The following HEATR3 variants were observed in gnomAD, a reference collection of about 807,000 sequenced individuals.
The protein encoded by HEATR3 is HEAT repeat-containing protein 3.
Under a neutral mutation model 72.8 loss-of-function variants are expected in HEATR3, and 56 were observed. The ratio of observed to expected loss-of-function variants is 0.77; its 90% CI spans 0.62 to 0.96. The LOEUF is 0.96. Among genes scored for constraint, HEATR3 ranks in the 40% least tolerant of loss-of-function variants. The pLI, the probability that HEATR3 is intolerant of heterozygous loss-of-function variation, is 0.00. For synonymous variants in HEATR3, 331 were observed against 318.1 expected (o/e 1.04, Z -0.43); for missense variants, 747 against 831.4 (o/e 0.90, Z 1.25).
rs1309435192 is a variant in HEATR3 at position 50,107,137 on chromosome 16, GT to G, written c.*2078del. 6.6e-6 allele frequency among the ~76,000 whole-genome samples: 1 copy of G among 152,116 alleles called. No homozygotes were observed. Among genetic ancestry groups the G allele is most frequent in the Non-Finnish European group, 1.5e-5 (1 of 68,024 alleles). On this transcript the variant is annotated 3_prime_UTR_variant, in exon 15 of 15. Transcript: ENST00000299192. ...TATAATTATTTTCAAGGAGAAAAAA[GT>G]TCCTCATTCTGTTTATTCTTCCCCA...
At chr16:50,085,429 C>T (rs1047641735) in intron 10 of HEATR3, among the ~76,000 whole-genome samples, 2 of 152,016 alleles carry the variant, frequency 1.3e-5, no homozygotes, top group Admixed American at 1.3e-4. Flanking sequence ...AGTTTGAAAC[C>T]AGCCTGGGCA....
At chr16:50,100,081 C>G in intron 12 of HEATR3, 149 bp from the exon 13 acceptor site, 1 of 607,416 alleles carries the variant, frequency 1.6e-6, no homozygotes, top group Non-Finnish European at 2.6e-6. Context: ...AACTGGAATA[C>G]ATATTAATAG....
At chr16:50,092,643 G>A (rs556501345) in intron 11 of HEATR3, among the ~76,000 whole-genome samples, 81 of 151,448 alleles carry the variant, frequency 5.3e-4, no homozygotes, top group Non-Finnish European at 1.0e-3. Context: ...GGGTTTCACC[G>A]TGTTAGCCAG....
At chr16:50,088,123 G>A (rs1049250312) in intron 11 of HEATR3, among the ~76,000 whole-genome samples, 20 of 151,874 alleles carry the variant, frequency 1.3e-4, no homozygotes, top group Non-Finnish European at 2.4e-4. Context: ...GTGAAACTCC[G>A]TTTCAAAAAA....
At chr16:50,095,819 T>G (rs2037222595) in intron 12 of HEATR3, among the ~76,000 whole-genome samples, 1 of 152,170 alleles carries the variant, frequency 6.6e-6, no homozygotes, top group African/African-American at 2.4e-5. Context: ...TGGAGTATTT[T>G]AAAGCAAATC....
At chr16:50,084,078 C>T in intron 8 of HEATR3, 51 bp downstream of exon 8, 1 of 1,613,326 alleles carries the variant, frequency 6.2e-7, no homozygotes, top group Non-Finnish European at 8.5e-7. Flanking sequence ...AAGAGGGAAA[C>T]TCCCGTGGAG....
intron 7 of HEATR3, among the ~76,000 whole-genome samples, chr16:50,081,733 A>G (rs1170707341): frequency 1.3e-5 from 2 of 152,172 alleles, no homozygotes; most frequent in Non-Finnish European, 1.5e-5. Context: ...TTAACTTAAG[A>G]AGGTATAACC....
In HEATR3 at chr16:50,078,859, A is replaced by G. The variant is rs752160919; in HGVS notation, c.882A>G (p.Gln294=). The G allele has an allele frequency of 7.4e-6, 12 of 1,614,158 alleles. No homozygotes were observed. In the Admixed American group the frequency reaches 1.3e-4, roughly 18 times the overall value. Reference sequence around the variant, plus strand: ...TGGATGCTGGTGAAATGGTTATTCAAATGAAAGAGGCTGAAACGCAAAGGT... The same window carrying G: ...TGGATGCTGGTGAAATGGTTATTCAGATGAAAGAGGCTGAAACGCAAAGGT... ...LGMDAGEMVI[Q]MKEAETQRLK... Residue 294 remains glutamine (Q), a synonymous_variant, in exon 7 of 15, where the codon CAA becomes CAG. Coordinates refer to ENST00000299192, the MANE Select transcript of HEATR3 (RefSeq NM_182922.4).
intron 11 of HEATR3, among the ~76,000 whole-genome samples, chr16:50,087,032 T>G (rs561299510): frequency 1.3e-5 from 2 of 152,320 alleles, no homozygotes; most frequent in East Asian, 3.9e-4. Context: ...ATTCAAAAGT[T>G]ATTAGAGGAC....
chr16:50,099,681 C>T (rs555976271), intron 12 of HEATR3, among the ~76,000 whole-genome samples: 9 of 152,288 alleles, frequency 5.9e-5, no homozygotes, highest in Middle Eastern at 6.8e-3. Flanking sequence ...CAGGTTCAAG[C>T]GTTTCTTGTG....
intron 11 of HEATR3, among the ~76,000 whole-genome samples, chr16:50,089,880 T>G (rs1318283527): frequency 6.6e-6 from 1 of 152,084 alleles, no homozygotes; most frequent in African/African-American, 2.4e-5. Context: ...TTGGTCAGGC[T>G]GGTCTTGAAC....
intron 13 of HEATR3, among the ~76,000 whole-genome samples, chr16:50,101,473 T>C (rs951401015): frequency 2.0e-5 from 3 of 152,204 alleles, no homozygotes. Context: ...TACAGTTGCC[T>C]CAAAATTATC....
rs1202327089 is a variant in HEATR3, at chr16:50,075,673, GT to G, written c.727del (p.Ser243ProfsTer7). ...MLESALLSPV[S>X]SMESLLLKTL... ...GAATCAGCACTGCTTTCTCCTGTCA[GT>G]TCCATGGAATCTCTTCTATTGAAGA... On this transcript the variant is annotated frameshift_variant, in exon 6 of 15. Coordinates refer to ENST00000299192, the MANE Select transcript of HEATR3 (RefSeq NM_182922.4). LOFTEE classifies it high-confidence loss of function. The G allele has an allele frequency of 6.2e-7, 1 of 1,613,924 alleles. No individual in the cohort carries two copies. Among genetic ancestry groups the G allele is most frequent in the Admixed American group, 1.7e-5 (1 of 60,026 alleles).
At chr16:50,092,321 G>A (rs1343441862) in intron 11 of HEATR3, among the ~76,000 whole-genome samples, 2 of 151,780 alleles carry the variant, frequency 1.3e-5, no homozygotes, top group Non-Finnish European at 1.5e-5. Flanking sequence ...TAGGTACCAC[G>A]TTTTATGAGA....
chr16:50,104,916 G>GATTTTTT, intron 14 of HEATR3, 23 bp from the exon 15 acceptor site: 1 of 1,564,072 alleles, frequency 6.4e-7, no homozygotes, highest in Non-Finnish European at 8.6e-7. Context: ...AGTCATATAT[G>GATTTTTT]ATTTTTTGTT....
intron 5 of HEATR3, 95 bp from the exon 6 acceptor site, chr16:50,075,473 AGTG>A (rs2036704357): frequency 5.3e-6 from 6 of 1,124,116 alleles, no homozygotes; most frequent in Non-Finnish European, 6.5e-6. Flanking sequence ...TGTCTAATGA[AGTG>A]GTAATGATAC....
chr16:50,066,007 G>GT lies in HEATR3; in HGVS notation c.-124dup, dbSNP rs1285445790. ...GTGCGCCTGCGCACGGCTTGCCCAT[G>GT]TGTGCTGCAGCCGTCAGCCGGCCCA... On this transcript the variant is annotated 5_prime_UTR_variant, in exon 1 of 15. It removes the in-frame stop codon of an upstream open reading frame in the 5' UTR. Transcript: ENST00000299192. The GT allele has an allele frequency of 1.5e-5, 11 of 725,956 alleles. No homozygotes were observed. Among genetic ancestry groups the GT allele is most frequent in the Non-Finnish European group, 2.1e-5 (11 of 533,492 alleles). 45.0% of individuals were successfully genotyped at this position (725,956 alleles called of 1,614,324 possible).
chr16:50,075,643 T>C lies in HEATR3; in HGVS notation c.695T>C (p.Met232Thr), dbSNP rs780864931. Residue 232 changes from methionine to threonine, a missense_variant, in exon 6 of 15, where the codon ATG (methionine) becomes ACG (threonine). Coordinates refer to ENST00000299192, the MANE Select transcript of HEATR3 (RefSeq NM_182922.4). ...LKSFSATALNMLESALLSPVS... is the reference protein window; with the variant it reads ...LKSFSATALNTLESALLSPVS... ...TCTTTCAGTGCTACAGCATTGAACA[T>C]GCTGGAATCAGCACTGCTTTCTCCT... 1 of 1,613,838 alleles carries C rather than the reference T, an allele frequency of 6.2e-7. No homozygotes were observed. The highest frequency in any genetic ancestry group is 8.5e-7 in the Non-Finnish European group (1 of 1,179,724).
intron 11 of HEATR3, among the ~76,000 whole-genome samples, chr16:50,089,955 G>A (rs781171016): frequency 6.6e-6 from 1 of 151,954 alleles, no homozygotes; most frequent in African/African-American, 2.4e-5. Context: ...ATGAGCCACC[G>A]TGCCCGTCCT....
Sources: gnomAD v4.1 joint callset for allele counts (sites outside exome capture counted in the v4.1 genomes callset) on GRCh38, gnomAD v4.1.1 for gene constraint, MANE v1.5 for transcripts, NCBI Gene and HGNC (gene_info 2026-07-23, HGNC 2026-07-21) for gene names.